The following RCOR1 variants were observed in gnomAD, a reference collection of about 807,000 sequenced individuals.
RCOR1 encodes the protein REST corepressor.
RCOR1 carries 12 observed loss-of-function variants against 64.0 expected under a neutral mutation model. The ratio of observed to expected loss-of-function variants is 0.19; its 90% CI spans 0.12 to 0.30. The LOEUF (loss-of-function observed/expected upper bound fraction) is 0.30, where lower values mean the gene tolerates loss of function less well. Among genes scored for constraint, RCOR1 ranks in the 10% least tolerant of loss-of-function variants. The pLI, the probability that RCOR1 is intolerant of heterozygous loss-of-function variation, is 1.00. For synonymous variants in RCOR1, 279 were observed against 227.2 expected (o/e 1.23, Z -2.05); for missense variants, 502 against 621.2 (o/e 0.81, Z 2.04).
intron 3 of RCOR1, among the ~76,000 whole-genome samples, chr14:102,690,188 C>T (rs951762018): frequency 2.6e-5 from 4 of 152,024 alleles, no homozygotes; most frequent in East Asian, 1.9e-4. Flanking sequence ...GAATAAGAGC[C>T]GTACCTATGA....
intron 2 of RCOR1, among the ~76,000 whole-genome samples, chr14:102,628,444 C>T (rs115185895): frequency 0.011 from 1,638 of 152,086 alleles, 13 homozygotes; most frequent in Middle Eastern, 0.048. Context: ...CTCCACTACC[C>T]GCTCCCCCGC....
chr14:102,708,941 CAA>C (rs1895909110), intron 6 of RCOR1, among the ~76,000 whole-genome samples: 1 of 152,148 alleles, frequency 6.6e-6, no homozygotes, highest in African/African-American at 2.4e-5. Context: ...CATGTGGAAA[CAA>C]AAATACAACT....
chr14:102,690,320 T>C (rs552722482), intron 3 of RCOR1, among the ~76,000 whole-genome samples: 1 of 152,206 alleles, frequency 6.6e-6, no homozygotes, highest in African/African-American at 2.4e-5. Flanking sequence ...TGTAGATACA[T>C]AGTAAATGTC....
chr14:102,708,290 C>T (rs556892065), intron 5 of RCOR1, among the ~76,000 whole-genome samples, 175 bp from the exon 6 acceptor site: 76 of 152,184 alleles, frequency 5.0e-4, no homozygotes, highest in Non-Finnish European at 8.2e-4. Flanking sequence ...TTAGTAGAGA[C>T]GGGGTTTCAC....
chr14:102,644,197 T>G (rs754414579), intron 2 of RCOR1, among the ~76,000 whole-genome samples: 15 of 152,226 alleles, frequency 9.9e-5, no homozygotes, highest in Admixed American at 2.6e-4. Flanking sequence ...CTCACAACAT[T>G]ATGGCCTCTG....
intron 2 of RCOR1, among the ~76,000 whole-genome samples, chr14:102,628,287 C>G (rs1894023838): frequency 6.6e-6 from 1 of 152,008 alleles, no homozygotes; most frequent in Admixed American, 6.6e-5. Context: ...ACAGATAGAC[C>G]CAGAATAATG....
chr14:102,657,358 T>C, intron 2 of RCOR1: 1 of 985,378 alleles, frequency 1.0e-6, no homozygotes, highest in Non-Finnish European at 1.2e-6. Flanking sequence ...CATGTTTTAA[T>C]CCTAATTTAA....
rs1555462069 is a variant in RCOR1 at position 102,616,240 on chromosome 14, G to GTGTGTGTGTGTA, written c.361+22924_361+22925insGTATGTGTGTGT. On this transcript the variant is annotated intron_variant, in intron 2 of 11. Coordinates refer to ENST00000262241, the MANE Select transcript of RCOR1 (RefSeq NM_015156.4). ...TGTGTGTGTGTGTGTGTGTGTGTGTGTGTGTGTGTATGTGTGTGTGTGTAT... is the reference window on the plus strand; with the variant it reads ...TGTGTGTGTGTGTGTGTGTGTGTGTGTGTGTGTGTGTATGTGTGTGTATGTGTGTGTGTGTAT... Among the ~76,000 whole-genome samples, 138 of 103,298 alleles carry GTGTGTGTGTGTA rather than the reference G, an allele frequency of 1.3e-3. No homozygotes were observed. The East Asian group carries it at 0.018, about 14-fold the overall frequency. 67.8% of individuals were successfully genotyped at this position (103,298 alleles called of 152,430 possible). A position where few individuals can be genotyped will look rare whatever the true frequency, so the allele number is the denominator to read the frequency against.
intron 2 of RCOR1, chr14:102,657,890 G>T (rs1894758419): frequency 1.0e-6 from 1 of 984,290 alleles, no homozygotes; most frequent in Non-Finnish European, 1.2e-6. Flanking sequence ...CTTGGAACAG[G>T]CCAGTTTCCC....
intron 11 of RCOR1, among the ~76,000 whole-genome samples, chr14:102,724,137 GCTC>G (rs1896218675): frequency 1.3e-5 from 2 of 151,886 alleles, no homozygotes; most frequent in Non-Finnish European, 2.9e-5. Flanking sequence ...TCTAGTTATG[GCTC>G]CTCCAAGCAG....
intron 4 of RCOR1, among the ~76,000 whole-genome samples, chr14:102,706,959 C>T (rs1413634452): frequency 1.3e-5 from 2 of 151,874 alleles, no homozygotes; most frequent in Non-Finnish European, 2.9e-5. Flanking sequence ...TGTTGCTGTA[C>T]CTAACAAGTT....
chr14:102,705,633 GT>G (rs1895837099), intron 4 of RCOR1, among the ~76,000 whole-genome samples: 1 of 151,950 alleles, frequency 6.6e-6, no homozygotes, highest in South Asian at 2.1e-4. Flanking sequence ...TTGTTTGTTT[GT>G]TTTTCGTAGA....
chr14:102,682,045 A>C lies in RCOR1; in HGVS notation c.445+67A>C. The stretch of plus-strand genomic sequence containing the variant: ...TGTAAGGTTTTAAAGGTACCTTTGA[A>C]GGTAAAAGCTTCTATATGTATTAAA... On this transcript the variant is annotated intron_variant, in intron 3 of 11. Transcript: ENST00000262241. The C allele has an allele frequency of 6.9e-6, 7 of 1,012,112 alleles. No individual in the cohort carries two copies. The South Asian group carries it at 7.1e-5, about 10-fold the overall frequency. The allele number at this position is 1,012,112 out of a possible 1,614,324, so 62.7% of individuals were successfully genotyped here. A position where few individuals can be genotyped will look rare whatever the true frequency, so the allele number is the denominator to read the frequency against.
chr14:102,677,929 G>A (rs1400787896), intron 2 of RCOR1, among the ~76,000 whole-genome samples: 2,000 of 143,222 alleles, frequency 0.014, no homozygotes, highest in Non-Finnish European at 0.021. Context: ...CTGAGTGAAC[G>A]AGACTCCGTC....
chr14:102,625,830 T>C (rs899755619), intron 2 of RCOR1, among the ~76,000 whole-genome samples: 1 of 152,186 alleles, frequency 6.6e-6, no homozygotes, highest in African/African-American at 2.4e-5. Flanking sequence ...TCTTTTCTTA[T>C]TTCAGTATGC....
intron 3 of RCOR1, among the ~76,000 whole-genome samples, chr14:102,683,552 T>C (rs937432096): frequency 6.6e-6 from 1 of 152,240 alleles, no homozygotes; most frequent in Admixed American, 6.5e-5. Flanking sequence ...CCTGGGGTGC[T>C]GACCCCTACT....
intron 2 of RCOR1, among the ~76,000 whole-genome samples, chr14:102,624,775 A>G (rs964886660): frequency 6.7e-6 from 1 of 148,408 alleles, no homozygotes; most frequent in African/African-American, 2.5e-5. Flanking sequence ...CCTCCTCAGA[A>G]AAAAAAAAAA....
intron 8 of RCOR1, among the ~76,000 whole-genome samples, chr14:102,720,536 T>C (rs1201202794): frequency 6.6e-6 from 1 of 152,218 alleles, no homozygotes; most frequent in African/African-American, 2.4e-5. Context: ...ACTTCTGCCC[T>C]GTGTAGAAGC....
At chr14:102,665,622 C>CT in intron 2 of RCOR1, among the ~76,000 whole-genome samples, 1 of 152,228 alleles carries the variant, frequency 6.6e-6, no homozygotes, top group South Asian at 2.1e-4. Context: ...GTTAGTGAAG[C>CT]TAAGTAGCTT....
Sources: gnomAD v4.1 joint callset for allele counts (sites outside exome capture counted in the v4.1 genomes callset) on GRCh38, gnomAD v4.1.1 for gene constraint, MANE v1.5 for transcripts, NCBI Gene and HGNC (gene_info 2026-07-23, HGNC 2026-07-21) for gene names.